DNAAF1: variants seen among roughly 807,000 people sequenced by gnomAD.
DNAAF1 encodes the protein dynein axonemal assembly factor 1, also known as dynein assembly factor 1, axonemal.
Under a neutral mutation model 71.1 loss-of-function variants are expected in DNAAF1, and 65 were observed. The observed-to-expected ratio is 0.91, with a 90% CI of 0.75 to 1.12. The LOEUF (loss-of-function observed/expected upper bound fraction) is 1.12. DNAAF1 is among the 50% of genes most tolerant of loss of function. The pLI, the probability that DNAAF1 is intolerant of heterozygous loss-of-function variation, is 0.00. For synonymous variants in DNAAF1, 414 were observed against 354.6 expected (o/e 1.17, Z -1.88); for missense variants, 1,178 against 899.8 (o/e 1.31, Z -3.96).
intron 1 of DNAAF1, among the ~76,000 whole-genome samples, chr16:84,146,457 C>T (rs1190934764): frequency 6.6e-6 from 1 of 152,154 alleles, no homozygotes; most frequent in African/African-American, 2.4e-5. Context: ...TGGCTCACGC[C>T]TGTAATCCCA....
chr16:84,164,040 A>G (rs1040433687), intron 6 of DNAAF1, among the ~76,000 whole-genome samples: 14 of 152,048 alleles, frequency 9.2e-5, no homozygotes, highest in Non-Finnish European at 1.8e-4. Context: ...CCTGGGCTCA[A>G]GCCATCTGCC....
At chr16:84,146,295 GC>G (rs1703863339) in intron 1 of DNAAF1, among the ~76,000 whole-genome samples, 1 of 152,186 alleles carries the variant, frequency 6.6e-6, no homozygotes, top group Non-Finnish European at 1.5e-5. Flanking sequence ...TTGTGTCAGG[GC>G]AAGACATCTT....
Position 84,145,416 on chromosome 16 carries a change from G to T in DNAAF1, c.-25G>T. 1 of 1,573,384 alleles carries T rather than the reference G, an allele frequency of 6.4e-7. No homozygotes were observed. ...GAACCTGGGCCCCCCAAAGCTGCGGGGCGTTCGGTGTCGCCGAAGTAAACA... is the reference window on the plus strand; with the variant it reads ...GAACCTGGGCCCCCCAAAGCTGCGGTGCGTTCGGTGTCGCCGAAGTAAACA... On this transcript the variant is annotated 5_prime_UTR_variant, in exon 1 of 12. Transcript: ENST00000378553.
chr16:84,166,765 T>C (rs1273807807), intron 7 of DNAAF1, among the ~76,000 whole-genome samples: 1 of 152,116 alleles, frequency 6.6e-6, no homozygotes, highest in Non-Finnish European at 1.5e-5. Flanking sequence ...CCTCAAACAG[T>C]GATGAGCTGT....
chr16:84,168,237 G>C (rs779402688), intron 7 of DNAAF1, among the ~76,000 whole-genome samples: 13 of 152,184 alleles, frequency 8.5e-5, no homozygotes, highest in Non-Finnish European at 1.9e-4. Flanking sequence ...CCAGCAGTGT[G>C]GCATCTTCCA....
chr16:84,148,504 T>TAG (rs760661962), intron 1 of DNAAF1, among the ~76,000 whole-genome samples: 12 of 151,788 alleles, frequency 7.9e-5, no homozygotes, highest in Non-Finnish European at 1.6e-4. Flanking sequence ...AGAGTTTTTA[T>TAG]AGAGGATCTA....
intron 6 of DNAAF1, among the ~76,000 whole-genome samples, chr16:84,165,388 G>A (rs1286081291): frequency 2.6e-5 from 4 of 151,938 alleles, no homozygotes; most frequent in African/African-American, 7.3e-5. Context: ...GTTTTGCTAT[G>A]TTGCCCAGGC....
intron 7 of DNAAF1, among the ~76,000 whole-genome samples, chr16:84,169,176 C>T (rs533737757): frequency 5.4e-5 from 8 of 148,480 alleles, no homozygotes; most frequent in South Asian, 2.1e-4. Flanking sequence ...TGGGTTCAAG[C>T]GCTTCTCCTG....
At chr16:84,169,780 G>C in intron 7 of DNAAF1, 79 bp from the exon 8 acceptor site, 1 of 1,595,196 alleles carries the variant, frequency 6.3e-7, no homozygotes, top group South Asian at 1.1e-5. Flanking sequence ...GAAGTTTGCT[G>C]TGAGCCCTTG....
intron 7 of DNAAF1, among the ~76,000 whole-genome samples, chr16:84,168,123 G>A (rs181311131): frequency 2.2e-3 from 342 of 152,272 alleles, no homozygotes; most frequent in Non-Finnish European, 3.7e-3. Context: ...TCAGGGTTGT[G>A]TACCTTCTGG....
chr16:84,173,504 C>G (rs1224665732), intron 9 of DNAAF1: 39 of 983,808 alleles, frequency 4.0e-5, no homozygotes, highest in Non-Finnish European at 4.7e-5. Flanking sequence ...GGTCAGAATT[C>G]ACAGTGGGTT....
chr16:84,168,385 C>G (rs2088134898), intron 7 of DNAAF1, among the ~76,000 whole-genome samples: 1 of 152,204 alleles, frequency 6.6e-6, no homozygotes, highest in African/African-American at 2.4e-5. Context: ...GTTCCTTTGT[C>G]CGTGTAAGGT....
At chr16:84,163,876 G>GGGT in intron 6 of DNAAF1, among the ~76,000 whole-genome samples, 1 of 144,934 alleles carries the variant, frequency 6.9e-6, no homozygotes, top group South Asian at 2.2e-4. Context: ...TTTTTTTTGT[G>GGGT]GGGGACAGCG....
chr16:84,147,287 C>A (rs1440588983), intron 1 of DNAAF1, among the ~76,000 whole-genome samples: 1 of 152,052 alleles, frequency 6.6e-6, no homozygotes, highest in Non-Finnish European at 1.5e-5. Context: ...GCATTCTATG[C>A]AAAATTGATG....
intron 11 of DNAAF1, chr16:84,177,459 G>A: frequency 2.5e-6 from 1 of 394,500 alleles, no homozygotes; most frequent in Non-Finnish European, 4.9e-6. Flanking sequence ...CTCCCCAGTA[G>A]CTGGTATTAT....
At chr16:84,174,639 T>C in intron 9 of DNAAF1, 30 bp from the exon 10 acceptor site, 3 of 1,614,152 alleles carry the variant, frequency 1.9e-6, no homozygotes, top group Non-Finnish European at 2.5e-6. Context: ...TGTACCTCCC[T>C]GGTGATGTGC....
intron 3 of DNAAF1, among the ~76,000 whole-genome samples, chr16:84,151,504 A>G (rs2087178898): frequency 6.6e-6 from 1 of 152,198 alleles, no homozygotes; most frequent in Non-Finnish European, 1.5e-5. Context: ...GATACTTAAG[A>G]GGTGGGAAGA....
At chr16:84,150,140 A>T in intron 2 of DNAAF1, 111 bp from the exon 3 acceptor site, 1 of 760,716 alleles carries the variant, frequency 1.3e-6, no homozygotes, top group Non-Finnish European at 2.4e-6. Flanking sequence ...TATCAGGGAT[A>T]TAGGATGTTA....
chr16:84,152,571 A>C (rs552053961), intron 3 of DNAAF1, among the ~76,000 whole-genome samples: 1 of 148,390 alleles, frequency 6.7e-6, no homozygotes, highest in African/African-American at 2.5e-5. Context: ...AATCGCTTGA[A>C]CCCAGGAGGC....
Sources: allele counts gnomAD v4.1 joint callset (sites outside exome capture counted in the v4.1 genomes callset), GRCh38; gene constraint gnomAD v4.1.1; transcripts MANE v1.5; gene names NCBI Gene and HGNC (gene_info 2026-07-23, HGNC 2026-07-21).